ATP8A2: variants seen among roughly 807,000 people sequenced by gnomAD.
The protein encoded by ATP8A2 is phospholipid-transporting ATPase IB.
In ATP8A2, 100 loss-of-function variants were observed where a neutral mutation model predicts 165.6. The observed-to-expected ratio is 0.60, with a 90% CI of 0.51 to 0.71. ATP8A2 has a LOEUF of 0.71. Among genes scored for constraint, ATP8A2 ranks in the 30% least tolerant of loss-of-function variants. ATP8A2 has a pLI of 0.00. For missense variants in ATP8A2, 1,227 were observed against 1,479.5 expected (o/e 0.83, Z 2.80); for synonymous variants, 543 against 548.8 (o/e 0.99, Z 0.15).
intron 27 of ATP8A2, among the ~76,000 whole-genome samples, chr13:25,807,441 A>G (rs1457094889): frequency 1.3e-5 from 2 of 152,208 alleles, no homozygotes; most frequent in Non-Finnish European, 2.9e-5. Flanking sequence ...TGAAAAGACT[A>G]TTCTTTTTCC....
At chr13:25,668,558 A>C (rs1213409800) in intron 24 of ATP8A2, among the ~76,000 whole-genome samples, 1 of 152,076 alleles carries the variant, frequency 6.6e-6, no homozygotes, top group African/African-American at 2.4e-5. Context: ...GGATATGTAG[A>C]TTCATGTCTT....
At chr13:25,485,113 A>C (rs1309273751) in intron 2 of ATP8A2, among the ~76,000 whole-genome samples, 1 of 152,260 alleles carries the variant, frequency 6.6e-6, no homozygotes, top group East Asian at 1.9e-4. Flanking sequence ...AAACTGAATA[A>C]TTTCACATAA....
At chr13:25,717,630 A>T (rs2043285205) in intron 25 of ATP8A2, among the ~76,000 whole-genome samples, 1 of 152,212 alleles carries the variant, frequency 6.6e-6, no homozygotes. Flanking sequence ...GAAGAAATAT[A>T]CAACAATTCT....
rs143657327 is a variant in ATP8A2, at chr13:25,727,409, C to T, written c.2384+28064C>T. ...CGTTACTATTTGTGTTCTCTTTTGT[C>T]AACGCCAAGGGAGCCGCCCCATGCC... is the stretch of plus-strand genomic sequence containing the variant. On this transcript the variant is annotated intron_variant, in intron 25 of 36. Transcript: ENST00000381655. Among the ~76,000 whole-genome samples, 71 of 152,220 alleles carry T rather than the reference C, an allele frequency of 4.7e-4. 1 individual carries two copies. In the East Asian group the frequency reaches 0.013, roughly 27 times the overall value.
At position 25,848,477 on chromosome 13, in the gene ATP8A2, C is replaced by T. The variant is rs9578928; in HGVS notation, c.2956+8853C>T. On this transcript the variant is annotated intron_variant, in intron 30 of 36. Coordinates refer to ENST00000381655, the MANE Select transcript of ATP8A2 (RefSeq NM_016529.6). Reference sequence around the variant, plus strand: ...ACCCAGGAGTAAGAAACACGTGTGGCCTCACTGGGTGACTGCCTGGGCATT... The same window carrying T: ...ACCCAGGAGTAAGAAACACGTGTGGTCTCACTGGGTGACTGCCTGGGCATT... 1.4e-3 allele frequency among the ~76,000 whole-genome samples: 220 copies of T among 152,328 alleles called. 1 individual carries two copies. Among genetic ancestry groups the T allele is most frequent in the African/African-American group, 4.5e-3 (187 of 41,582 alleles).
chr13:25,452,075 G>A (rs962387207), intron 1 of ATP8A2, among the ~76,000 whole-genome samples: 3 of 151,938 alleles, frequency 2.0e-5, no homozygotes, highest in Admixed American at 6.6e-5. Flanking sequence ...GGATGGTCTC[G>A]ATCTCCTGAC....
intron 33 of ATP8A2, among the ~76,000 whole-genome samples, 180 bp from the exon 34 acceptor site, chr13:25,961,395 G>A (rs1184480110): frequency 6.6e-6 from 1 of 152,222 alleles, no homozygotes; most frequent in African/African-American, 2.4e-5. Flanking sequence ...AGAGAAGGCT[G>A]CAGAGAGGAG....
At chr13:25,383,766 A>C (rs573505781) in intron 1 of ATP8A2, among the ~76,000 whole-genome samples, 1 of 152,158 alleles carries the variant, frequency 6.6e-6, no homozygotes, top group Non-Finnish European at 1.5e-5. Flanking sequence ...ATTAGTATAT[A>C]TATCCTTTTC....
chr13:25,617,049 G>A (rs2137433382), intron 24 of ATP8A2, among the ~76,000 whole-genome samples: 1 of 152,268 alleles, frequency 6.6e-6, no homozygotes, highest in East Asian at 1.9e-4. Context: ...AGAAATTATT[G>A]CAGACATGTA....
At chr13:25,441,453 C>A (rs1241093001) in intron 1 of ATP8A2, among the ~76,000 whole-genome samples, 1 of 152,174 alleles carries the variant, frequency 6.6e-6, no homozygotes, top group Non-Finnish European at 1.5e-5. Context: ...AAATCCATGT[C>A]ATGAGAGGAA....
At chr13:25,481,502 G>T (rs1385886168) in intron 2 of ATP8A2, among the ~76,000 whole-genome samples, 1 of 152,274 alleles carries the variant, frequency 6.6e-6, no homozygotes, top group Admixed American at 6.5e-5. Context: ...GGTTAATTTA[G>T]TTTAAATTGG....
intron 1 of ATP8A2, among the ~76,000 whole-genome samples, chr13:25,462,090 TGCAGATCTG>T (rs1268754393): frequency 6.6e-6 from 1 of 152,274 alleles, no homozygotes; most frequent in East Asian, 1.9e-4. Context: ...TTCAAGTTTC[TGCAGATCTG>T]GCTTCTAATC....
At chr13:25,737,898 A>G (rs1048568854) in intron 25 of ATP8A2, among the ~76,000 whole-genome samples, 6 of 152,066 alleles carry the variant, frequency 3.9e-5, no homozygotes, top group Non-Finnish European at 7.4e-5. Flanking sequence ...GTTAGCCAGG[A>G]TGGTCTCGAT....
intron 1 of ATP8A2, among the ~76,000 whole-genome samples, chr13:25,395,301 C>T (rs903996337): frequency 6.6e-6 from 1 of 151,968 alleles, no homozygotes; most frequent in African/African-American, 2.4e-5. Flanking sequence ...TGTCTTGGGC[C>T]TGAGGGGGCT....
intron 4 of ATP8A2, among the ~76,000 whole-genome samples, chr13:25,531,971 C>A (rs1338833410): frequency 1.3e-5 from 2 of 152,148 alleles, no homozygotes; most frequent in Non-Finnish European, 2.9e-5. Context: ...ATGAAGTTGG[C>A]TGTTTGTTGC....
At chr13:25,389,916 C>G (rs1332722374) in intron 1 of ATP8A2, among the ~76,000 whole-genome samples, 1 of 152,226 alleles carries the variant, frequency 6.6e-6, no homozygotes, top group South Asian at 2.1e-4. Context: ...TAAATGAACA[C>G]TTGAAGCAAA....
intron 33 of ATP8A2, chr13:25,880,902 C>G (rs865845476): frequency 2.2e-6 from 1 of 455,810 alleles, no homozygotes. Context: ...TTCAATCTTT[C>G]CTCAGAAAAA....
Position 25,751,452 on chromosome 13 carries a change from A to ATT in ATP8A2, c.2385-17586_2385-17585dup, listed in dbSNP as rs139551225. Among the ~76,000 whole-genome samples, 322 of 151,500 alleles carry ATT rather than the reference A, an allele frequency of 2.1e-3. 2 individuals are homozygous for ATT. The highest frequency in any genetic ancestry group is 7.4e-3 in the African/African-American group (304 of 41,306). On this transcript the variant is annotated intron_variant, in intron 25 of 36. Transcript: ENST00000381655. ...TATTATTTATTTATTTTATTTTATG[A>ATT]TTTTTTTTTCTTTTAAGAGACAGGG...
At chr13:25,842,380 G>A (rs1045385598) in intron 30 of ATP8A2, among the ~76,000 whole-genome samples, 1 of 152,132 alleles carries the variant, frequency 6.6e-6, no homozygotes, top group Non-Finnish European at 1.5e-5. Flanking sequence ...ATGAGGTTAA[G>A]AAACTGGGAT....
Sources: allele counts gnomAD v4.1 joint callset (sites outside exome capture counted in the v4.1 genomes callset), GRCh38; gene constraint gnomAD v4.1.1; transcripts MANE v1.5; gene names NCBI Gene and HGNC (gene_info 2026-07-23, HGNC 2026-07-21).